MOB3B: variants seen among roughly 807,000 people sequenced by gnomAD.
MOB3B encodes the protein MOB kinase activator-like 2B.
MOB3B carries 7 observed loss-of-function variants against 18.7 expected under a neutral mutation model. That is an observed-to-expected ratio of 0.37 (90% CI 0.21 to 0.70). The LOEUF is 0.70. MOB3B is among the 30% of genes least tolerant of loss of function. MOB3B has a pLI of 0.52. For missense variants in MOB3B, 253 were observed against 281.3 expected (o/e 0.90, Z 0.72); for synonymous variants, 111 against 99.9 (o/e 1.11, Z -0.66).
chr9:27,369,785 GACTA>G, intron 2 of MOB3B, among the ~76,000 whole-genome samples: 1 of 152,284 alleles, frequency 6.6e-6, no homozygotes, highest in East Asian at 1.9e-4. Context: ...CATTTCGCCT[GACTA>G]ACTCCCATTT....
chr9:27,457,293 G>C (rs1461165097), intron 1 of MOB3B, among the ~76,000 whole-genome samples: 1 of 152,226 alleles, frequency 6.6e-6, no homozygotes, highest in Admixed American at 6.5e-5. Flanking sequence ...CCTTGAAATA[G>C]AGAGGAGATA....
At chr9:27,465,563 T>C (rs1459535202) in intron 1 of MOB3B, among the ~76,000 whole-genome samples, 2 of 152,172 alleles carry the variant, frequency 1.3e-5, no homozygotes, top group African/African-American at 2.4e-5. Flanking sequence ...AGTGCCCCAG[T>C]AGGGACTCTG....
chr9:27,521,962 G>A (rs1007349008), intron 1 of MOB3B, among the ~76,000 whole-genome samples: 1 of 151,844 alleles, frequency 6.6e-6, no homozygotes, highest in Non-Finnish European at 1.5e-5. Flanking sequence ...GAAATACTTG[G>A]CCAGGTACAG....
At chr9:27,492,780 A>ACG in intron 1 of MOB3B, among the ~76,000 whole-genome samples, 1 of 152,224 alleles carries the variant, frequency 6.6e-6, no homozygotes, top group Non-Finnish European at 1.5e-5. Context: ...TTTCAGGGAT[A>ACG]TGTCTCCAAT....
At chr9:27,513,378 A>G (rs28669284) in intron 1 of MOB3B, among the ~76,000 whole-genome samples, 4 of 151,954 alleles carry the variant, frequency 2.6e-5, no homozygotes, top group Admixed American at 6.6e-5. Context: ...TCCAAACTGT[A>G]CCCCTACAAG....
At chr9:27,373,144 C>A (rs1587163724) in intron 2 of MOB3B, among the ~76,000 whole-genome samples, 1 of 152,212 alleles carries the variant, frequency 6.6e-6, no homozygotes, top group East Asian at 1.9e-4. Flanking sequence ...CTGATCAGGA[C>A]TGGCTACATA....
intron 3 of MOB3B, among the ~76,000 whole-genome samples, chr9:27,340,233 C>T (rs2131337645): frequency 6.6e-6 from 1 of 152,326 alleles, no homozygotes; most frequent in South Asian, 2.1e-4. Flanking sequence ...TGTGCAGGCT[C>T]CCAAGTGCAC....
intron 1 of MOB3B, among the ~76,000 whole-genome samples, chr9:27,471,044 C>T (rs1819463832): frequency 6.6e-6 from 1 of 152,148 alleles, no homozygotes; most frequent in African/African-American, 2.4e-5. Context: ...AGTAAGTTCC[C>T]TCTGGGTTTC....
intron 2 of MOB3B, among the ~76,000 whole-genome samples, chr9:27,375,678 C>T (rs1821479764): frequency 6.6e-6 from 1 of 152,162 alleles, no homozygotes; most frequent in South Asian, 2.1e-4. Flanking sequence ...TCTAGCAACC[C>T]CTGCTGCCTA....
intron 1 of MOB3B, among the ~76,000 whole-genome samples, chr9:27,522,232 C>G (rs757833427): frequency 2.0e-5 from 2 of 98,748 alleles, no homozygotes; most frequent in Non-Finnish European, 3.7e-5. Context: ...CAGAGCAAGA[C>G]CCCGTCTCAC....
chr9:27,399,483 C>T (rs1821845339), intron 2 of MOB3B, among the ~76,000 whole-genome samples: 2 of 152,264 alleles, frequency 1.3e-5, no homozygotes, highest in South Asian at 2.1e-4. Flanking sequence ...TGTTAGGGAA[C>T]AGAAAGCACT....
intron 3 of MOB3B, among the ~76,000 whole-genome samples, chr9:27,356,413 C>T (rs1030471023): frequency 2.9e-4 from 44 of 152,306 alleles, no homozygotes; most frequent in African/African-American, 1.1e-3. Context: ...TGAGGCCATT[C>T]TGTGACTCTG....
chr9:27,404,933 C>T lies in MOB3B; in HGVS notation c.419-45697G>A, dbSNP rs143706957. ...CATCCTCACCAGCCTTAATTATTGC[C>T]TTTCTTTTGGATAAAAGCCATTTTA... is the stretch of plus-strand genomic sequence containing the variant. On this transcript the variant is annotated intron_variant, in intron 2 of 3. Transcript: ENST00000262244. 3.9e-5 allele frequency among the ~76,000 whole-genome samples: 6 copies of T among 152,064 alleles called. No individual in the cohort carries two copies. The East Asian group carries it at 9.7e-4, about 25-fold the overall frequency.
chr9:27,357,558 G>T (rs1448121884), intron 3 of MOB3B, among the ~76,000 whole-genome samples: 1 of 151,880 alleles, frequency 6.6e-6, no homozygotes, highest in Non-Finnish European at 1.5e-5. Flanking sequence ...TGCTTACCCT[G>T]TCTGGCCCTT....
chr9:27,457,792 G>T (rs1819203885), intron 1 of MOB3B, among the ~76,000 whole-genome samples: 1 of 152,148 alleles, frequency 6.6e-6, no homozygotes, highest in Non-Finnish European at 1.5e-5. Context: ...GCCTGAGACA[G>T]TCTGTGAAAT....
At chr9:27,484,799 G>C (rs1819710408) in intron 1 of MOB3B, among the ~76,000 whole-genome samples, 3 of 152,108 alleles carry the variant, frequency 2.0e-5, no homozygotes, top group Non-Finnish European at 1.5e-5. Context: ...TGCATCCTCA[G>C]GCTTTTTCTG....
intron 2 of MOB3B, among the ~76,000 whole-genome samples, chr9:27,418,192 G>A (rs550938435): frequency 2.1e-4 from 31 of 150,798 alleles, no homozygotes; most frequent in African/African-American, 7.3e-4. Flanking sequence ...GATTGAAATG[G>A]TAACTTAAAA....
chr9:27,447,016 T>A (rs1822702398), intron 2 of MOB3B, among the ~76,000 whole-genome samples: 1 of 151,708 alleles, frequency 6.6e-6, no homozygotes, highest in African/African-American at 2.4e-5. Flanking sequence ...ATTTTTTTTT[T>A]AAGATATAAC....
chr9:27,426,200 G>A (rs1822326765), intron 2 of MOB3B, among the ~76,000 whole-genome samples: 1 of 152,134 alleles, frequency 6.6e-6, no homozygotes, highest in Non-Finnish European at 1.5e-5. Context: ...AACCTATCCT[G>A]TGTTGATACC....
Sources: allele counts gnomAD v4.1 joint callset (sites outside exome capture counted in the v4.1 genomes callset), GRCh38; gene constraint gnomAD v4.1.1; transcripts MANE v1.5; gene names NCBI Gene and HGNC (gene_info 2026-07-23, HGNC 2026-07-21).